ELAPOR2: variants seen among roughly 807,000 people sequenced by gnomAD.
ELAPOR2 encodes the protein endosome-lysosome associated apoptosis and autophagy regulator family member 2, also known as endosome/lysosome-associated apoptosis and autophagy regulator family member 2.
Under a neutral mutation model 120.7 loss-of-function variants are expected in ELAPOR2, and 89 were observed. The ratio of observed to expected loss-of-function variants is 0.74; its 90% confidence interval spans 0.62 to 0.88. The LOEUF is 0.88. Ranked by LOEUF, ELAPOR2 falls within the 40% of genes least tolerant of loss-of-function variation. The pLI, the probability that ELAPOR2 is intolerant of heterozygous loss-of-function variation, is 0.00. For synonymous variants in ELAPOR2, 444 were observed against 444.9 expected, an observed-to-expected ratio of 1.00 and a Z score of 0.03; for missense variants, 1,134 against 1,251.6, an observed-to-expected ratio of 0.91 and a Z score of 1.42.
chr7:87,022,347 T>G (rs1381229483), intron 1 of ELAPOR2, among the ~76,000 whole-genome samples: 1 of 151,384 alleles, frequency 6.6e-6, no homozygotes, highest in Non-Finnish European at 1.5e-5. Context: ...TTATTGTCCT[T>G]GCGATAGTTT....
In ELAPOR2 at chr7:87,034,100, A is replaced by G. The variant is rs184693494; in HGVS notation, c.189+25225T>C. 8.5e-5 allele frequency among the ~76,000 whole-genome samples: 13 copies of G among 152,288 alleles called. No homozygotes were observed. In the East Asian group the frequency reaches 2.5e-3, roughly 29 times the overall value. On this transcript the variant is annotated intron_variant, in intron 1 of 21. Coordinates refer to ENST00000450689, the MANE Select transcript of ELAPOR2 (RefSeq NM_001142749.3). ...AACATTACCAAACTATATGTACATAATATTACCATTTTGTAACCATATGTG... is the reference window on the plus strand; with the variant it reads ...AACATTACCAAACTATATGTACATAGTATTACCATTTTGTAACCATATGTG...
chr7:86,969,487 C>A (rs1286560190), intron 1 of ELAPOR2, among the ~76,000 whole-genome samples: 2 of 151,986 alleles, frequency 1.3e-5, no homozygotes, highest in Non-Finnish European at 1.5e-5. Flanking sequence ...ATATCATTTT[C>A]ATTAATATAT....
chr7:86,927,661 C>T (rs1222413824), intron 8 of ELAPOR2, among the ~76,000 whole-genome samples: 1 of 151,848 alleles, frequency 6.6e-6, no homozygotes, highest in Non-Finnish European at 1.5e-5. Flanking sequence ...ACCCCAAAAG[C>T]CATTATTATC....
At chr7:87,018,030 T>C (rs2116689481) in intron 1 of ELAPOR2, among the ~76,000 whole-genome samples, 1 of 152,088 alleles carries the variant, frequency 6.6e-6, no homozygotes, top group South Asian at 2.1e-4. Flanking sequence ...AAGTCACTTC[T>C]TTTGTTTTTG....
chr7:86,923,788 A>T (rs1238917799), intron 10 of ELAPOR2, among the ~76,000 whole-genome samples: 1 of 152,098 alleles, frequency 6.6e-6, no homozygotes, highest in African/African-American at 2.4e-5. Context: ...CAATTATTTC[A>T]ATTTTTGTTG....
intron 1 of ELAPOR2, among the ~76,000 whole-genome samples, chr7:86,970,629 G>A (rs975846855): frequency 6.6e-6 from 1 of 152,146 alleles, no homozygotes; most frequent in Non-Finnish European, 1.5e-5. Flanking sequence ...AAAAGCAGGA[G>A]AATACTTAAT....
intron 1 of ELAPOR2, among the ~76,000 whole-genome samples, chr7:87,044,517 T>C (rs1459405133): frequency 7.1e-6 from 1 of 141,492 alleles, no homozygotes; most frequent in African/African-American, 2.7e-5. Flanking sequence ...AAGGATTCCC[T>C]ATTTAATAAA....
intron 1 of ELAPOR2, among the ~76,000 whole-genome samples, chr7:87,025,232 A>G (rs1056328422): frequency 2.6e-5 from 4 of 152,090 alleles, no homozygotes; most frequent in Non-Finnish European, 5.9e-5. Flanking sequence ...CCTCTTGTTG[A>G]CTATTTTCAG....
At chr7:87,044,950 C>T (rs1460598284) in intron 1 of ELAPOR2, among the ~76,000 whole-genome samples, 2 of 147,578 alleles carry the variant, frequency 1.4e-5, no homozygotes, top group Non-Finnish European at 3.0e-5. Flanking sequence ...GGGCGAAGGA[C>T]ATGAACAGAC....
At chr7:86,992,620 A>G (rs1205140835) in intron 1 of ELAPOR2, among the ~76,000 whole-genome samples, 1 of 152,222 alleles carries the variant, frequency 6.6e-6, no homozygotes, top group African/African-American at 2.4e-5. Flanking sequence ...GACCCACATT[A>G]TTTCCTAAAC....
chr7:87,020,182 T>C lies in ELAPOR2; in HGVS notation c.189+39143A>G, dbSNP rs148523063. On this transcript the variant is annotated intron_variant, in intron 1 of 21. Coordinates refer to ENST00000450689, the MANE Select transcript of ELAPOR2 (RefSeq NM_001142749.3). ...ATATGCACTTACATACACACATATG[T>C]ATATGTGTGCATATTTTAAAAGACT... is the stretch of plus-strand genomic sequence containing the variant. Among the ~76,000 whole-genome samples the C allele has an allele frequency of 2.7e-3, 407 of 152,252 alleles. 1 individual carries two copies. The highest frequency in any genetic ancestry group is 9.5e-3 in the African/African-American group (393 of 41,562).
chr7:86,894,658 A>G (rs959171114), intron 19 of ELAPOR2, among the ~76,000 whole-genome samples: 25 of 152,226 alleles, frequency 1.6e-4, no homozygotes, highest in South Asian at 2.1e-4. Flanking sequence ...TAGTAATTCT[A>G]TAACTATTAA....
chr7:86,930,838 C>T (rs763947627), intron 8 of ELAPOR2, among the ~76,000 whole-genome samples: 1 of 151,934 alleles, frequency 6.6e-6, no homozygotes, highest in African/African-American at 2.4e-5. Context: ...CACCAGAGTT[C>T]TTCTTTTCTA....
chr7:86,939,158 T>C (rs113340339), intron 6 of ELAPOR2, among the ~76,000 whole-genome samples, 198 bp from the exon 7 acceptor site: 64 of 152,142 alleles, frequency 4.2e-4, no homozygotes, highest in African/African-American at 1.5e-3. Context: ...AGCAAACAAA[T>C]AAGAGATGAA....
intron 1 of ELAPOR2, 140 bp downstream of exon 1, chr7:87,059,185 C>T: frequency 7.6e-6 from 9 of 1,184,664 alleles, no homozygotes; most frequent in Non-Finnish European, 9.5e-6. Flanking sequence ...CAACTTCACC[C>T]CTCGAAGCAA....
At chr7:87,028,622 C>G in intron 1 of ELAPOR2, among the ~76,000 whole-genome samples, 1 of 152,234 alleles carries the variant, frequency 6.6e-6, no homozygotes, top group East Asian at 1.9e-4. Context: ...AATGCCTCAC[C>G]CATATTTTCG....
At chr7:87,039,777 C>T (rs1047855510) in intron 1 of ELAPOR2, among the ~76,000 whole-genome samples, 2 of 152,088 alleles carry the variant, frequency 1.3e-5, no homozygotes, top group South Asian at 2.1e-4. Flanking sequence ...CCAAGATGGC[C>T]GAATAGGAAC....
At chr7:86,947,255 A>T (rs1459090357) in intron 3 of ELAPOR2, among the ~76,000 whole-genome samples, 2 of 152,196 alleles carry the variant, frequency 1.3e-5, no homozygotes, top group Non-Finnish European at 2.9e-5. Flanking sequence ...GCTTTGTCAT[A>T]TGCAAAGCTA....
At chr7:87,048,707 T>C (rs1006512186) in intron 1 of ELAPOR2, among the ~76,000 whole-genome samples, 2 of 152,198 alleles carry the variant, frequency 1.3e-5, no homozygotes, top group African/African-American at 4.8e-5. Flanking sequence ...TTATTTCACA[T>C]TGCATGCCTG....
Sources: gnomAD v4.1 joint callset for allele counts (sites outside exome capture counted in the v4.1 genomes callset) on GRCh38, gnomAD v4.1.1 for gene constraint, MANE v1.5 for transcripts, NCBI Gene and HGNC (gene_info 2026-07-23, HGNC 2026-07-21) for gene names.